Variants in MYH13 observed in about 807,000 individuals in gnomAD.
MYH13 encodes the protein myosin-13.
Under a neutral mutation model 232.1 loss-of-function variants are expected in MYH13, and 177 were observed. The observed-to-expected ratio is 0.76, with a 90% confidence interval of 0.67 to 0.86. MYH13 has a LOEUF of 0.86. Ranked by LOEUF, MYH13 falls within the 40% of genes least tolerant of loss-of-function variation. MYH13 has a pLI of 0.00. For synonymous variants in MYH13, 884 were observed against 923.5 expected (o/e 0.96, Z 0.78); for missense variants, 2,246 against 2,405.9 (o/e 0.93, Z 1.39).
At chr17:10,307,437 G>A (rs10491094) in intron 35 of MYH13, among the ~76,000 whole-genome samples, 11,004 of 152,052 alleles carry the variant, frequency 0.072, 680 homozygotes, top group East Asian at 0.29. Context: ...AAGGGGTGAC[G>A]ACAAACTGGA....
chr17:10,312,859 G>T, intron 30 of MYH13, 102 bp from the exon 31 acceptor site: 1 of 1,322,388 alleles, frequency 7.6e-7, no homozygotes, highest in Non-Finnish European at 1.0e-6. Flanking sequence ...AGGGACTGGT[G>T]TTTGATGAGA....
At chr17:10,309,946 A>AT (rs199973868) in intron 33 of MYH13, 116 bp from the exon 34 acceptor site, 118,450 of 680,474 alleles carry the variant, frequency 0.17, 1,180 homozygotes, top group Non-Finnish European at 0.18. Context: ...TTAAATTTAA[A>AT]TTTTTTTTTT....
intron 22 of MYH13, among the ~76,000 whole-genome samples, chr17:10,326,724 G>A (rs1033955737): frequency 2.6e-5 from 4 of 151,430 alleles, no homozygotes; most frequent in South Asian, 2.1e-4. Context: ...TGATCTGCCC[G>A]CCTCGGTCTC....
Position 10,320,256 on chromosome 17 carries a change from TA to T in MYH13, c.3258-14del, listed in dbSNP as rs3214259. ...TTCAAACTCCTTCCTGCAAATAGAT[TA>T]AAAAAAAATAAAGAACATGAAATAC... On this transcript the variant is annotated splice_polypyrimidine_tract_variant and intron_variant, in intron 25 of 40. Coordinates refer to ENST00000252172, the MANE Select transcript of MYH13 (RefSeq NM_003802.3). The T allele has an allele frequency of 0.12, 196,042 of 1,581,810 alleles. 16,333 individuals carry two copies. The highest frequency in any genetic ancestry group is 0.4 in the East Asian group (17,636 of 44,214).
At chr17:10,310,247 T>C (rs1262237529) in intron 33 of MYH13, among the ~76,000 whole-genome samples, 8 of 152,002 alleles carry the variant, frequency 5.3e-5, no homozygotes, top group African/African-American at 1.4e-4. Context: ...CCCACCACTG[T>C]GCCTGGCTAA....
intron 2 of MYH13, among the ~76,000 whole-genome samples, chr17:10,369,807 C>G (rs549610573): frequency 1.3e-5 from 2 of 152,182 alleles, no homozygotes; most frequent in Admixed American, 1.3e-4. Context: ...TGCATCTAAC[C>G]TAGTTGGATA....
In MYH13 at chr17:10,315,799, T is replaced by C. The variant is rs1490227000; in HGVS notation, c.3878A>G (p.His1293Arg). The change falls in exon 29 of 41, where the codon CAC (histidine) becomes CGC (arginine). Residue 1293 changes from histidine (H) to arginine (R), a missense_variant. Physicochemically the swap from His to Arg is conservative, Grantham distance 29. Coordinates refer to ENST00000252172, the MANE Select transcript of MYH13 (RefSeq NM_003802.3). ...RLQTQNGELS[H>R]RVEEKESLIS... is the part of the protein sequence containing the mutation. ...CAGAGACTCCTTCTCTTCCACTCGG[T>C]GGCTCAGCTCCCCTACCAAACAGAT... 3.1e-6 allele frequency: 5 copies of C among 1,613,908 alleles called. No individual in the cohort carries two copies. Among genetic ancestry groups the C allele is most frequent in the African/African-American group, 1.3e-5 (1 of 74,930 alleles).
chr17:10,356,709 G>A (rs1170836309), intron 8 of MYH13, among the ~76,000 whole-genome samples: 3 of 152,156 alleles, frequency 2.0e-5, no homozygotes, highest in African/African-American at 7.2e-5. Flanking sequence ...TATCTTTCAG[G>A]CGACGAAATA....
At chr17:10,362,709 C>T (rs1284716316) in intron 3 of MYH13, among the ~76,000 whole-genome samples, 4 of 152,148 alleles carry the variant, frequency 2.6e-5, no homozygotes, top group African/African-American at 7.2e-5. Context: ...GTAACCAATT[C>T]TGGTCTGATG....
Position 10,303,417 on chromosome 17 carries a change from T to G in MYH13, c.5548A>C (p.Lys1850Gln), listed in dbSNP as rs1906171395. ...ACCTGGTAAGTCATCTCCTTGACTT[T>G]GCGTTCGTACTTGTGGGCTCCCTTC... The part of the protein sequence containing the change: ...ALKGAHKYER[K>Q]VKEMTYQAEE... The change falls in exon 38 of 41, where the codon AAA (lysine) becomes CAA (glutamine). Residue 1850 changes from lysine (K) to glutamine (Q), a missense_variant. By Grantham distance (53) the Lys-to-Gln change is moderately conservative. Transcript: ENST00000252172. The G allele has an allele frequency of 1.9e-6, 3 of 1,613,992 alleles. No individual in the cohort carries two copies. Among genetic ancestry groups the G allele is most frequent in the East Asian group, 2.2e-5 (1 of 44,880 alleles).
intron 27 of MYH13, 136 bp downstream of exon 27, chr17:10,318,654 G>T: frequency 8.4e-7 from 1 of 1,193,024 alleles, no homozygotes; most frequent in Non-Finnish European, 1.2e-6. Flanking sequence ...TGAGGAACTA[G>T]AAACAGGCAG....
chr17:10,370,893 G>T (rs2071873147), intron 2 of MYH13, among the ~76,000 whole-genome samples: 1 of 152,184 alleles, frequency 6.6e-6, no homozygotes, highest in African/African-American at 2.4e-5. Context: ...GTTAGCCTTT[G>T]TGTGAAGACT....
At chr17:10,344,150 C>T in intron 15 of MYH13, 41 bp from the exon 16 acceptor site, 2 of 1,594,794 alleles carry the variant, frequency 1.3e-6, no homozygotes, top group Non-Finnish European at 1.7e-6. Context: ...ATAGTGCATA[C>T]CCATGCTTCA....
At chr17:10,349,657 A>G (rs1009417619) in intron 12 of MYH13, among the ~76,000 whole-genome samples, 8 of 151,688 alleles carry the variant, frequency 5.3e-5, no homozygotes, top group Admixed American at 2.6e-4. Context: ...AACCTGTACA[A>G]CTCCCATGAT....
rs1906102342 is a variant in MYH13, at chr17:10,301,744, TCAGTCC to T, written c.5668-47_5668-42del. ...AGGGGGTATGACGCTGTAGAGCCTC[TCAGTCC>T]GATTATGAGGTGCCCTGTCTCTGAA... On this transcript the variant is annotated intron_variant, in intron 39 of 40. Transcript: ENST00000252172. The T allele has an allele frequency of 2.5e-6, 4 of 1,606,162 alleles. No individual in the cohort carries two copies. The South Asian group carries it at 3.3e-5, about 13-fold the overall frequency.
At chr17:10,338,547 G>T (rs554953897) in intron 18 of MYH13, among the ~76,000 whole-genome samples, 1 of 151,936 alleles carries the variant, frequency 6.6e-6, no homozygotes, top group African/African-American at 2.4e-5. Context: ...TGTTGTAAAT[G>T]CTTGACTTGC....
intron 2 of MYH13, among the ~76,000 whole-genome samples, chr17:10,368,837 A>T (rs933578971): frequency 6.6e-6 from 1 of 152,180 alleles, no homozygotes; most frequent in African/African-American, 2.4e-5. Context: ...ATGTAGCTTG[A>T]CTTAGCGTTA....
intron 31 of MYH13, 49 bp downstream of exon 31, chr17:10,312,525 T>G: frequency 6.4e-7 from 1 of 1,550,424 alleles, no homozygotes; most frequent in South Asian, 1.2e-5. Context: ...TTTCCCCAAC[T>G]TGAATTATCC....
intron 2 of MYH13, among the ~76,000 whole-genome samples, chr17:10,365,109 A>G (rs994888392): frequency 6.6e-6 from 1 of 152,102 alleles, no homozygotes; most frequent in Non-Finnish European, 1.5e-5. Context: ...TCCTGACCTC[A>G]GGTAATCTGC....
Sources: allele counts gnomAD v4.1 joint callset (sites outside exome capture counted in the v4.1 genomes callset), GRCh38; gene constraint gnomAD v4.1.1; transcripts MANE v1.5; gene names NCBI Gene and HGNC (gene_info 2026-07-23, HGNC 2026-07-21).